DGKA: variants seen among roughly 807,000 people sequenced by gnomAD.
DGKA encodes 80 kDa diacylglycerol kinase.
DGKA carries 35 observed loss-of-function variants against 105.0 expected under a neutral mutation model. The observed-to-expected ratio is 0.33, with a 90% CI of 0.25 to 0.44. The LOEUF is 0.44. Among genes scored for constraint, DGKA ranks in the 20% least tolerant of loss-of-function variants. DGKA has a pLI of 1.00. For synonymous variants in DGKA, 296 were observed against 332.0 expected, an observed-to-expected ratio of 0.89 and a Z score of 1.18; for missense variants, 665 against 915.0, an observed-to-expected ratio of 0.73 and a Z score of 3.53.
At position 55,937,991 on chromosome 12, in the gene DGKA, CAAT is replaced by C. The variant is rs752252087; in HGVS notation, c.289_291del (p.Asn97del). Reference sequence around the variant, plus strand: ...TTTTGTAACCAGATGTGGTGTGTCTCAATGATGTTTCCTGCTACTTTTCCCTTC... The same window carrying C: ...TTTTGTAACCAGATGTGGTGTGTCTCGATGTTTCCTGCTACTTTTCCCTTC... On this transcript the variant is annotated inframe_deletion, in exon 5 of 24. Coordinates refer to ENST00000331886, the MANE Select transcript of DGKA (RefSeq NM_001345.5). 6.2e-7 allele frequency: 1 copy of C among 1,614,116 alleles called. No homozygotes were observed. The highest frequency in any genetic ancestry group is 8.5e-7 in the Non-Finnish European group (1 of 1,180,016).
At chr12:55,938,490 C>G in intron 5 of DGKA, 21 bp from the exon 6 acceptor site, 3 of 1,613,774 alleles carry the variant, frequency 1.9e-6, no homozygotes, top group Non-Finnish European at 1.7e-6. Flanking sequence ...CTGACCCTGG[C>G]CCCCCTAAAA....
upstream of DGKA, chr12:55,927,877 G>A (rs1883226159): frequency 1.4e-6 from 2 of 1,379,392 alleles, no homozygotes; most frequent in African/African-American, 1.5e-5. Flanking sequence ...TTCTCGCCCA[G>A]ACCTCCTAAC....
intron 17 of DGKA, among the ~76,000 whole-genome samples, chr12:55,945,203 A>G (rs996435437): frequency 9.2e-5 from 14 of 152,170 alleles, no homozygotes; most frequent in African/African-American, 3.4e-4. Context: ...GTGGTTAGAA[A>G]TACATGTCAG....
In DGKA at chr12:55,932,945, G is replaced by C. The variant is rs1883946360; in HGVS notation, c.-82+1601G>C. 4.6e-6 allele frequency: 1 copy of C among 218,328 alleles called. No homozygotes were observed. Among genetic ancestry groups the C allele is most frequent in the African/African-American group, 2.3e-5 (1 of 44,014 alleles). The allele number at this position is 218,328 out of a possible 1,614,324, so 13.5% of individuals were successfully genotyped here. A position where few individuals can be genotyped will look rare whatever the true frequency, so the allele number is the denominator to read the frequency against. On this transcript the variant is annotated intron_variant, in intron 1 of 23. Coordinates refer to ENST00000331886, the MANE Select transcript of DGKA (RefSeq NM_001345.5). This position sits in a 1 kb window ranked among gnomAD's most constrained non-coding sequence, Gnocchi z 4.3. ...CTGGGCCCTCAAATTCGGGGCTCCT[G>C]CCCCTCTGGGGCAGCCTCAATATTC...
intron 3 of DGKA, 106 bp from the exon 4 acceptor site, chr12:55,937,302 T>A: frequency 7.2e-7 from 1 of 1,380,884 alleles, no homozygotes; most frequent in South Asian, 1.3e-5. Context: ...CTGCCTCAGA[T>A]GCTTCTCAGC....
chr12:55,936,598 G>C, intron 2 of DGKA, 31 bp downstream of exon 2: 1 of 1,614,014 alleles, frequency 6.2e-7, no homozygotes, highest in Non-Finnish European at 8.5e-7. Context: ...TTCAGTTCTG[G>C]AGACCCTGCC....
chr12:55,934,005 CTG>C (rs1481937641), intron 1 of DGKA, among the ~76,000 whole-genome samples: 1 of 152,182 alleles, frequency 6.6e-6, no homozygotes, highest in Non-Finnish European at 1.5e-5. Flanking sequence ...GATGAGAAAA[CTG>C]AGGCTCAGGG....
In DGKA at chr12:55,941,035, C is replaced by T. The variant is rs138714237; in HGVS notation, c.1101+55C>T. On this transcript the variant is annotated intron_variant, in intron 13 of 23. Transcript: ENST00000331886. ...ATGGGGGCAGGTTTTTCACTGGAGC[C>T]CTCATGGGTGGGAATGAAGTGGGAG... The T allele has an allele frequency of 4.6e-4, 729 of 1,568,480 alleles. 6 individuals carry two copies. The Admixed American group carries it at 7.8e-3, about 17-fold the overall frequency.
Position 55,950,904 on chromosome 12 carries a change from T to G in DGKA, c.1427-719T>G, listed in dbSNP as rs182073407. Among the ~76,000 whole-genome samples, 117 of 152,294 alleles carry G rather than the reference T, an allele frequency of 7.7e-4. 2 individuals carry two copies. Among genetic ancestry groups the G allele is most frequent in the Non-Finnish European group, 1.8e-4 (12 of 68,024 alleles). On this transcript the variant is annotated intron_variant, in intron 17 of 23. Transcript: ENST00000331886. ...ATTATATTTATCTATCTTTTTCTTT[T>G]GGGCTTCTAGTTTTGTATCCATTCA...
chr12:55,940,518 A>G lies in DGKA; in HGVS notation c.918+85A>G. ...GGGCCTCCGGCCACACCTCCTTTACAGGCACAGTTGCCCCTGCTCCCAAGG... is the reference window on the plus strand; with the variant it reads ...GGGCCTCCGGCCACACCTCCTTTACGGGCACAGTTGCCCCTGCTCCCAAGG... On this transcript the variant is annotated intron_variant, in intron 11 of 23. Transcript: ENST00000331886. The surrounding 1 kb of genome is among the most constrained non-coding windows in gnomAD (Gnocchi z 4.3). 3 of 1,584,736 alleles carry G rather than the reference A, an allele frequency of 1.9e-6. No individual in the cohort carries two copies. The African/African-American group carries it at 4.0e-5, about 21-fold the overall frequency.
chr12:55,937,641 A>G (rs1259322236), intron 4 of DGKA, 98 bp downstream of exon 4: 5 of 1,474,908 alleles, frequency 3.4e-6, no homozygotes, highest in South Asian at 1.3e-5. Context: ...CACGTTGTGC[A>G]GGTTGGGGGA....
intron 5 of DGKA, 67 bp from the exon 6 acceptor site, chr12:55,938,444 T>C: frequency 1.3e-6 from 2 of 1,592,460 alleles, no homozygotes; most frequent in Non-Finnish European, 1.7e-6. Context: ...GTTTCCCCCA[T>C]ATTCTGGTAT....
chr12:55,929,455 C>A, upstream of DGKA: 1 of 152,406 alleles, frequency 6.6e-6, no homozygotes. Context: ...CCCTAGGCCC[C>A]CTTCCCACCC....
rs1886197938 is a variant in DGKA at position 55,942,366 on chromosome 12, GA to G, written c.1426+105del. On this transcript the variant is annotated intron_variant, in intron 17 of 23. Coordinates refer to ENST00000331886, the MANE Select transcript of DGKA (RefSeq NM_001345.5). The stretch of plus-strand genomic sequence containing the variant: ...GGCATCTGGTATGGAAAGGATTGGG[GA>G]AGAAGAGGGGCACAGACAGGTGGAT... The G allele has an allele frequency of 2.7e-6, 3 of 1,096,060 alleles. No homozygotes were observed. The South Asian group carries it at 3.9e-5, about 14-fold the overall frequency. The allele number at this position is 1,096,060 out of a possible 1,614,324, so 67.9% of individuals were successfully genotyped here.
Position 55,939,456 on chromosome 12 carries a change from G to T in DGKA, c.636G>T (p.Arg212Ser), listed in dbSNP as rs769524083. The change falls in exon 9 of 24, where the codon AGG (arginine) becomes AGT (serine). Residue 212 changes from arginine to serine, a missense_variant. Around this residue, in one of 3 missense-constraint regions of DGKA, gnomAD observed 504 missense variants for 681.2 expected, o/e 0.74. Coordinates refer to ENST00000331886, the MANE Select transcript of DGKA (RefSeq NM_001345.5). ...GACAGCACATGTGGAGGCCCAAGAGGTTCCCCAGACCAGTCTACTGCAATC... is the reference window on the plus strand; with the variant it reads ...GACAGCACATGTGGAGGCCCAAGAGTTTCCCCAGACCAGTCTACTGCAATC... Reference protein sequence around the residue: ...DDGQHMWRPKRFPRPVYCNLC... With the variant: ...DDGQHMWRPKSFPRPVYCNLC... The T allele has an allele frequency of 1.9e-6, 3 of 1,614,202 alleles. No homozygotes were observed. Among genetic ancestry groups the T allele is most frequent in the Non-Finnish European group, 2.5e-6 (3 of 1,180,026 alleles).
intron 4 of DGKA, 31 bp downstream of exon 4, chr12:55,937,574 C>T: frequency 1.2e-6 from 2 of 1,601,282 alleles, no homozygotes; most frequent in Non-Finnish European, 1.7e-6. Flanking sequence ...CTGGGCTAAG[C>T]CTCTGGCAGA....
upstream of DGKA, chr12:55,930,325 G>A (rs1313111180): frequency 1.4e-5 from 2 of 138,114 alleles, no homozygotes; most frequent in African/African-American, 5.3e-5. Context: ...AGAAAATACT[G>A]TAAAGACAGG....
chr12:55,927,792 G>T, upstream of DGKA: 2 of 1,536,370 alleles, frequency 1.3e-6, no homozygotes, highest in Non-Finnish European at 1.7e-6. Context: ...AGGTTGGGCG[G>T]GCGGCCCTGG....
intron 5 of DGKA, 35 bp from the exon 6 acceptor site, chr12:55,938,476 C>T (rs755092533): frequency 4.2e-5 from 68 of 1,613,166 alleles, no homozygotes; most frequent in Non-Finnish European, 5.6e-5. Flanking sequence ...GTATCTCTCA[C>T]AAACTGACCC....
Sources: gnomAD v4.1 joint callset for allele counts (sites outside exome capture counted in the v4.1 genomes callset) on GRCh38, gnomAD v4.1.1 for gene constraint, gnomAD v4.1.1 regional missense constraint, Gnocchi (gnomAD v3.1) non-coding constraint, MANE v1.5 for transcripts, NCBI Gene and HGNC (gene_info 2026-07-23, HGNC 2026-07-21) for gene names.